Variants in EGFLAM observed in about 807,000 individuals in gnomAD.
EGFLAM encodes pikachurin.
In EGFLAM, 79 loss-of-function variants were observed where a neutral mutation model predicts 113.1. The observed-to-expected ratio is 0.70, with a 90% CI of 0.58 to 0.84. The LOEUF is 0.84. EGFLAM is among the 40% of genes least tolerant of loss of function. EGFLAM has a pLI of 0.00. For synonymous variants in EGFLAM, 504 were observed against 487.6 expected, an observed-to-expected ratio of 1.03 and a Z score of -0.44; for missense variants, 1,265 against 1,291.6, an observed-to-expected ratio of 0.98 and a Z score of 0.32.
Position 38,386,695 on chromosome 5 carries a change from C to T in EGFLAM, c.712+16233C>T, listed in dbSNP as rs749051239. On this transcript the variant is annotated intron_variant, in intron 6 of 21. Coordinates refer to ENST00000322350, the MANE Select transcript of EGFLAM (RefSeq NM_152403.4). The stretch of plus-strand genomic sequence containing the variant: ...CTAATTTTTGTATTTTTAGTAGAGA[C>T]GGGGTTTCACCGTGTTGGCCAGGAT... 4.6e-5 allele frequency among the ~76,000 whole-genome samples: 7 copies of T among 152,118 alleles called. No homozygotes were observed. In the South Asian group the frequency reaches 6.2e-4, roughly 14 times the overall value.
chr5:38,283,485 G>A (rs1177117467), intron 1 of EGFLAM, among the ~76,000 whole-genome samples: 1 of 152,188 alleles, frequency 6.6e-6, no homozygotes, highest in East Asian at 1.9e-4. Flanking sequence ...TATAGTGCCT[G>A]CTATGTGCCA....
intron 1 of EGFLAM, among the ~76,000 whole-genome samples, chr5:38,276,196 A>G (rs932599043): frequency 1.1e-4 from 16 of 152,216 alleles, no homozygotes; most frequent in African/African-American, 3.9e-4. Flanking sequence ...TAAAACCATC[A>G]GATCTTATGA....
chr5:38,300,351 T>G (rs569880873), intron 1 of EGFLAM, among the ~76,000 whole-genome samples: 2 of 151,206 alleles, frequency 1.3e-5, no homozygotes, highest in South Asian at 4.2e-4. Flanking sequence ...TTCCCTTCTC[T>G]TCTCTTCTTC....
chr5:38,322,660 A>G (rs770705100), intron 1 of EGFLAM, among the ~76,000 whole-genome samples: 2 of 152,158 alleles, frequency 1.3e-5, no homozygotes, highest in Non-Finnish European at 2.9e-5. Context: ...TACTCCCTGG[A>G]ATTACACTTG....
chr5:38,431,281 T>C lies in EGFLAM; in HGVS notation c.2159T>C (p.Met720Thr), dbSNP rs761875493. 8 of 1,614,020 alleles carry C rather than the reference T, an allele frequency of 5.0e-6. No homozygotes were observed. In the Admixed American group the frequency reaches 1.3e-4, roughly 27 times the overall value. The stretch of plus-strand genomic sequence containing the variant: ...GATAAGCAGAAGATAGTGGAGGGAA[T>C]GGCAGAGGTAAGAACAGTACACCTT... ...QVDKQKIVEG[M>T]AEGGFTQIKC... is the part of the protein sequence containing the mutation. Residue 720 changes from methionine to threonine, a missense_variant, in exon 15 of 22, where the codon ATG becomes ACG. Transcript: ENST00000322350.
chr5:38,287,111 G>A (rs1187878915), intron 1 of EGFLAM, among the ~76,000 whole-genome samples: 2 of 152,208 alleles, frequency 1.3e-5, no homozygotes, highest in African/African-American at 4.8e-5. Flanking sequence ...GATCACTGTT[G>A]CTAACAATGT....
At chr5:38,460,682 G>A (rs1476206356) in intron 20 of EGFLAM, among the ~76,000 whole-genome samples, 5 of 152,210 alleles carry the variant, frequency 3.3e-5, no homozygotes, top group African/African-American at 7.2e-5. Context: ...GAGGATTCCA[G>A]CAGATACTGT....
chr5:38,392,636 G>A (rs1157912267), intron 6 of EGFLAM, among the ~76,000 whole-genome samples: 1 of 146,844 alleles, frequency 6.8e-6, no homozygotes, highest in Non-Finnish European at 1.5e-5. Flanking sequence ...TTTTGGGGGG[G>A]CGGTTCTCAC....
intron 1 of EGFLAM, among the ~76,000 whole-genome samples, chr5:38,317,835 G>T (rs1466641788): frequency 1.3e-5 from 2 of 152,176 alleles, no homozygotes; most frequent in Non-Finnish European, 2.9e-5. Flanking sequence ...CCAGATTCTG[G>T]CCCAGTATGA....
rs192760108 is a variant in EGFLAM, at chr5:38,384,956, G to A, written c.712+14494G>A. On this transcript the variant is annotated intron_variant, in intron 6 of 21. Coordinates refer to ENST00000322350, the MANE Select transcript of EGFLAM (RefSeq NM_152403.4). The stretch of plus-strand genomic sequence containing the variant: ...CATTTAGTCAGTAGAGACTAGAGAT[G>A]TTGCTAAATATGAATACCTTGCAAT... 2.1e-3 allele frequency among the ~76,000 whole-genome samples: 327 copies of A among 152,230 alleles called. 1 individual carries two copies. The highest frequency in any genetic ancestry group is 7.4e-3 in the African/African-American group (306 of 41,550).
intron 1 of EGFLAM, among the ~76,000 whole-genome samples, chr5:38,269,545 A>C (rs1270919708): frequency 6.7e-6 from 1 of 148,354 alleles, no homozygotes; most frequent in African/African-American, 2.5e-5. Context: ...GCTGGAGTGC[A>C]GTGGCGCAAT....
intron 6 of EGFLAM, among the ~76,000 whole-genome samples, chr5:38,379,305 C>A (rs550869048): frequency 1.3e-5 from 2 of 152,086 alleles, no homozygotes; most frequent in South Asian, 4.2e-4. Context: ...GCACAGGGGG[C>A]ATCCAAGGAA....
At chr5:38,415,448 C>G (rs1224995882) in intron 11 of EGFLAM, among the ~76,000 whole-genome samples, 1 of 152,144 alleles carries the variant, frequency 6.6e-6, no homozygotes, top group African/African-American at 2.4e-5. Context: ...TTTGGGAAGC[C>G]AAGGCAGGAG....
intron 1 of EGFLAM, among the ~76,000 whole-genome samples, chr5:38,277,737 C>T (rs1430016743): frequency 6.6e-6 from 1 of 151,298 alleles, no homozygotes; most frequent in African/African-American, 2.4e-5. Context: ...CATGCAAAAT[C>T]AGTAGCATTT....
intron 19 of EGFLAM, among the ~76,000 whole-genome samples, chr5:38,452,264 T>C (rs1396466951): frequency 1.3e-5 from 2 of 152,040 alleles, no homozygotes; most frequent in East Asian, 3.9e-4. Flanking sequence ...AACCCTGACC[T>C]CAGGTGATCC....
chr5:38,438,311 G>A lies in EGFLAM; in HGVS notation c.2320G>A (p.Asp774Asn), dbSNP rs536790922. Residue 774 changes from aspartate to asparagine, a missense_variant, in exon 17 of 22, where the codon GAC becomes AAC. Coordinates refer to ENST00000322350, the MANE Select transcript of EGFLAM (RefSeq NM_152403.4). ...TGACCGAACCATCCATGTGAAGCAT[G>A]ACTTCACCTCCGGAGTGAATGTGGA... is the stretch of plus-strand genomic sequence containing the variant. ...LNDRTIHVKHDFTSGVNVENA... is the reference protein window; with the variant it reads ...LNDRTIHVKHNFTSGVNVENA... 6.2e-7 allele frequency: 1 copy of A among 1,613,902 alleles called. No individual in the cohort carries two copies. The highest frequency in any genetic ancestry group is 1.1e-5 in the South Asian group (1 of 90,976).
chr5:38,427,165 C>G lies in EGFLAM; in HGVS notation c.1967C>G (p.Thr656Arg), dbSNP rs1207089099. ...GGTGTCCTCCTGTACAGCTATGACA[C>G]AGGCAGCAAAGACTTCCTGTCCATC... Reference protein sequence around the residue: ...GDGVLLYSYDTGSKDFLSINL... With the variant: ...GDGVLLYSYDRGSKDFLSINL... The change falls in exon 14 of 22, where the codon ACA (threonine) becomes AGA (arginine). Residue 656 changes from threonine to arginine, a missense_variant. Thr to Arg is a moderately conservative substitution (Grantham distance 71, BLOSUM62 -1). Transcript: ENST00000322350. 1 of 1,614,204 alleles carries G rather than the reference C, an allele frequency of 6.2e-7. No homozygotes were observed. Among genetic ancestry groups the G allele is most frequent in the Non-Finnish European group, 8.5e-7 (1 of 1,180,040 alleles).
intron 1 of EGFLAM, among the ~76,000 whole-genome samples, chr5:38,334,613 G>T (rs1369589913): frequency 6.6e-6 from 1 of 152,158 alleles, no homozygotes; most frequent in Non-Finnish European, 1.5e-5. Flanking sequence ...TATAGCATTT[G>T]CATATTTTGG....
At chr5:38,397,288 AG>A (rs1740986753) in intron 6 of EGFLAM, among the ~76,000 whole-genome samples, 2 of 152,250 alleles carry the variant, frequency 1.3e-5, no homozygotes, top group South Asian at 4.2e-4. Flanking sequence ...TTTGGGGGAA[AG>A]GGAGAGCAAG....
Sources: allele counts gnomAD v4.1 joint callset (sites outside exome capture counted in the v4.1 genomes callset), GRCh38; gene constraint gnomAD v4.1.1; transcripts MANE v1.5; gene names NCBI Gene and HGNC (gene_info 2026-07-23, HGNC 2026-07-21).